The following EREG variants were observed in gnomAD, a reference collection of about 807,000 sequenced individuals.
EREG encodes the protein epiregulin, also known as proepiregulin.
Under a neutral mutation model 22.4 loss-of-function variants are expected in EREG, and 23 were observed. The observed-to-expected ratio is 1.03, with a 90% CI of 0.74 to 1.46. The LOEUF (loss-of-function observed/expected upper bound fraction) is 1.46. EREG is among the 40% of genes most tolerant of loss of function. The pLI, the probability that EREG is intolerant of heterozygous loss-of-function variation, is 0.00. For synonymous variants in EREG, 100 were observed against 75.4 expected (o/e 1.33, Z -1.69); for missense variants, 226 against 205.9 (o/e 1.10, Z -0.60).
chr4:74,375,306 CTTTTTTTTTTTTTTTTTTTTTTTT>C (rs71219383), intron 1 of EREG, among the ~76,000 whole-genome samples: 2 of 61,014 alleles, frequency 3.3e-5, no homozygotes, highest in Non-Finnish European at 5.5e-5. Context: ...ACTAGCGATT[CTTTTTTTTTTTTTTTTTTTTTTTT>C]TTTTTTGAGA....
At position 74,379,029 on chromosome 4, in the gene EREG, G is replaced by A. The variant is rs56736674; in HGVS notation, c.68-419G>A. Among the ~76,000 whole-genome samples, 211 of 152,254 alleles carry A rather than the reference G, an allele frequency of 1.4e-3. 4 individuals carry two copies. In the East Asian group the frequency reaches 0.039, roughly 28 times the overall value. Reference sequence around the variant, plus strand: ...TGTTTCTTAGGTTGAGTTTCTTGTTGTTACTGTAAGTGGAAACCGATTTTT... The same window carrying A: ...TGTTTCTTAGGTTGAGTTTCTTGTTATTACTGTAAGTGGAAACCGATTTTT... On this transcript the variant is annotated intron_variant, in intron 1 of 4. Coordinates refer to ENST00000244869, the MANE Select transcript of EREG (RefSeq NM_001432.3).
intron 1 of EREG, among the ~76,000 whole-genome samples, chr4:74,368,017 T>A (rs1752215681): frequency 6.6e-6 from 1 of 152,174 alleles, no homozygotes; most frequent in Non-Finnish European, 1.5e-5. Context: ...CCCAGTGAAG[T>A]CAAGTACCTT....
At chr4:74,383,235 A>T (rs948928272) in intron 4 of EREG, among the ~76,000 whole-genome samples, 1 of 152,132 alleles carries the variant, frequency 6.6e-6, no homozygotes, top group African/African-American at 2.4e-5. Flanking sequence ...TGCTTTTAGT[A>T]TGTAATATGA....
chr4:74,366,858 G>C (rs1340911262), intron 1 of EREG, among the ~76,000 whole-genome samples: 1 of 152,144 alleles, frequency 6.6e-6, no homozygotes, highest in Non-Finnish European at 1.5e-5. Flanking sequence ...TTCCAAATGA[G>C]TTAGGTCAGT....
intron 1 of EREG, among the ~76,000 whole-genome samples, chr4:74,365,892 T>C (rs938074539): frequency 6.6e-6 from 1 of 152,140 alleles, no homozygotes; most frequent in Non-Finnish European, 1.5e-5. Context: ...CCAGTGCCAG[T>C]TGGCTGAGCT....
Position 74,368,050 on chromosome 4 carries a change from T to A in EREG, c.67+2675T>A, listed in dbSNP as rs181862561. On this transcript the variant is annotated intron_variant, in intron 1 of 4. Coordinates refer to ENST00000244869, the MANE Select transcript of EREG (RefSeq NM_001432.3). ...CTTACAAAGACTCAGAGATAGTAAA[T>A]GGCCAGGTCACTCTGTGATAATGAG... 2.6e-5 allele frequency among the ~76,000 whole-genome samples: 4 copies of A among 152,162 alleles called. No homozygotes were observed. The East Asian group carries it at 7.7e-4, about 29-fold the overall frequency.
chr4:74,366,649 G>T (rs781050779), intron 1 of EREG, among the ~76,000 whole-genome samples: 58 of 152,248 alleles, frequency 3.8e-4, no homozygotes, highest in Non-Finnish European at 5.9e-5. Context: ...CACATGTAAG[G>T]TTGCATCTGA....
rs537510492 is a variant in EREG, at chr4:74,379,603, A to T, written c.154+69A>T. On this transcript the variant is annotated intron_variant, in intron 2 of 4. Coordinates refer to ENST00000244869, the MANE Select transcript of EREG (RefSeq NM_001432.3). ...TTTAAACAGAAATATAAACTCAAAGACTATAAGTATGTGATAATTTTTTAA... is the reference window on the plus strand; with the variant it reads ...TTTAAACAGAAATATAAACTCAAAGTCTATAAGTATGTGATAATTTTTTAA... The T allele has an allele frequency of 1.7e-4, 156 of 917,932 alleles. 1 individual carries two copies. The South Asian group carries it at 2.1e-3, about 13-fold the overall frequency. 56.9% of individuals were successfully genotyped at this position (917,932 alleles called of 1,614,324 possible). A position where few individuals can be genotyped will look rare whatever the true frequency, so the allele number is the denominator to read the frequency against.
chr4:74,384,601 C>A, intron 4 of EREG, 126 bp from the exon 5 acceptor site: 3 of 471,374 alleles, frequency 6.4e-6, no homozygotes, highest in Admixed American at 3.4e-5. Flanking sequence ...ATTGTCCAAC[C>A]TAAATCTGTT....
In EREG at chr4:74,384,779, T is replaced by G. The variant is rs763367714; in HGVS notation, c.481T>G (p.Ser161Ala). The part of the protein sequence containing the change: ...EPKKEYERVT[S>A]GDPELPQV ...AAAGAAGGAATATGAGAGAGTTACC[T>G]CAGGGGATCCAGAGTTGCCGCAAGT... Residue 161 changes from serine to alanine, a missense_variant, in exon 5 of 5, where the codon TCA becomes GCA. Physicochemically the swap from Ser to Ala is moderately conservative, Grantham distance 99. Coordinates refer to ENST00000244869, the MANE Select transcript of EREG (RefSeq NM_001432.3). 1.2e-6 allele frequency: 2 copies of G among 1,613,290 alleles called. No homozygotes were observed. Among genetic ancestry groups the G allele is most frequent in the South Asian group, 2.2e-5 (2 of 91,026 alleles).
chr4:74,387,282 A>G lies in EREG; in HGVS notation c.*2474A>G, dbSNP rs1416907950. 1.3e-5 allele frequency: 2 copies of G among 152,050 alleles called. No homozygotes were observed. Among genetic ancestry groups the G allele is most frequent in the African/African-American group, 4.8e-5 (2 of 41,374 alleles). The allele number at this position is 152,050 out of a possible 1,614,324, so 9.4% of individuals were successfully genotyped here. ...GGTACAACTGTATTTATTAACGCTT[A>G]CTAGATGTGAGGAGAGTCTGAATAT... is the stretch of plus-strand genomic sequence containing the variant. On this transcript the variant is annotated 3_prime_UTR_variant, in exon 5 of 5. Coordinates refer to ENST00000244869, the MANE Select transcript of EREG (RefSeq NM_001432.3).
In EREG at chr4:74,387,029, T is replaced by C. The variant is rs940161550; in HGVS notation, c.*2221T>C. 1.9e-4 allele frequency: 29 copies of C among 152,126 alleles called. No individual in the cohort carries two copies. The highest frequency in any genetic ancestry group is 6.3e-4 in the African/African-American group (26 of 41,386). The allele number at this position is 152,126 out of a possible 1,614,324, so 9.4% of individuals were successfully genotyped here. ...TGGTCTCAATCTCCTAACCTTGAGATCCACCCTCCACAGCCTCCCAAACTG... is the reference window on the plus strand; with the variant it reads ...TGGTCTCAATCTCCTAACCTTGAGACCCACCCTCCACAGCCTCCCAAACTG... On this transcript the variant is annotated 3_prime_UTR_variant, in exon 5 of 5. Transcript: ENST00000244869.
At chr4:74,365,999 C>T (rs890209948) in intron 1 of EREG, among the ~76,000 whole-genome samples, 1 of 152,148 alleles carries the variant, frequency 6.6e-6, no homozygotes. Context: ...GCCCCTACAC[C>T]TGCTGCTTGC....
chr4:74,379,623 T>G, intron 2 of EREG, 89 bp downstream of exon 2: 1 of 793,866 alleles, frequency 1.3e-6, no homozygotes, highest in Non-Finnish European at 2.1e-6. Context: ...TGTGATAATT[T>G]TTTAAAAAAG....
At chr4:74,379,396 G>A in intron 1 of EREG, 52 bp from the exon 2 acceptor site, 2 of 1,126,500 alleles carry the variant, frequency 1.8e-6, no homozygotes, top group Non-Finnish European at 1.4e-6. Flanking sequence ...ATTTGATCAA[G>A]ATTTCTTTCC....
rs547725226 is a variant in EREG at position 74,372,530 on chromosome 4, G to A, written c.68-6918G>A. Among the ~76,000 whole-genome samples, 4 of 152,262 alleles carry A rather than the reference G, an allele frequency of 2.6e-5. No individual in the cohort carries two copies. The East Asian group carries it at 5.8e-4, about 22-fold the overall frequency. On this transcript the variant is annotated intron_variant, in intron 1 of 4. Coordinates refer to ENST00000244869, the MANE Select transcript of EREG (RefSeq NM_001432.3). Reference sequence around the variant, plus strand: ...AGACACTTATAGTCCAAACTGTTGCGCCTTCAGGAGATGTTTCTTTTGGAA... The same window carrying A: ...AGACACTTATAGTCCAAACTGTTGCACCTTCAGGAGATGTTTCTTTTGGAA...
chr4:74,369,238 G>A (rs1442373044), intron 1 of EREG, among the ~76,000 whole-genome samples: 4 of 152,018 alleles, frequency 2.6e-5, no homozygotes, highest in African/African-American at 4.8e-5. Context: ...ATTTTAGTGC[G>A]CCTATCACCT....
chr4:74,369,248 T>C lies in EREG; in HGVS notation c.67+3873T>C, dbSNP rs114727234. On this transcript the variant is annotated intron_variant, in intron 1 of 4. Transcript: ENST00000244869. The stretch of plus-strand genomic sequence containing the variant: ...GTGAGATTTTAGTGCGCCTATCACC[T>C]GAGTAGTGTACATTGTACCTAATGT... Among the ~76,000 whole-genome samples the C allele has an allele frequency of 3.1e-3, 469 of 152,294 alleles. 7 individuals are homozygous for C. Among genetic ancestry groups the C allele is most frequent in the African/African-American group, 0.011 (454 of 41,560 alleles).
At position 74,387,089 on chromosome 4, in the gene EREG, T is replaced by A. The variant is rs1248064569; in HGVS notation, c.*2281T>A. ...CAGGTGTGAGCCACCGCACGTAGCA[T>A]TTACATTAGGTATTACAAGTAATGT... On this transcript the variant is annotated 3_prime_UTR_variant, in exon 5 of 5. Transcript: ENST00000244869. 6.6e-6 allele frequency: 1 copy of A among 152,184 alleles called. No homozygotes were observed. Among genetic ancestry groups the A allele is most frequent in the African/African-American group, 2.4e-5 (1 of 41,434 alleles). 9.4% of individuals were successfully genotyped at this position (152,184 alleles called of 1,614,324 possible). A position where few individuals can be genotyped will look rare whatever the true frequency, so the allele number is the denominator to read the frequency against.
Sources: allele counts gnomAD v4.1 joint callset (sites outside exome capture counted in the v4.1 genomes callset), GRCh38; gene constraint gnomAD v4.1.1; transcripts MANE v1.5; gene names NCBI Gene and HGNC (gene_info 2026-07-23, HGNC 2026-07-21).